Variants in MIS18A observed in about 807,000 individuals in gnomAD.
The protein encoded by MIS18A is MIS18 kinetochore protein A, also known as protein Mis18-alpha.
In MIS18A, 14 loss-of-function variants were observed where a neutral mutation model predicts 25.0. The observed-to-expected ratio is 0.56, with a 90% CI of 0.37 to 0.88. The LOEUF (loss-of-function observed/expected upper bound fraction) is 0.88. Among genes scored for constraint, MIS18A ranks in the 40% least tolerant of loss-of-function variants. The pLI, the probability that MIS18A is intolerant of heterozygous loss-of-function variation, is 0.00. For missense variants in MIS18A, 292 were observed against 290.8 expected, an observed-to-expected ratio of 1.00 and a Z score of -0.03; for synonymous variants, 134 against 118.6, an observed-to-expected ratio of 1.13 and a Z score of -0.84.
chr21:32,269,590 G>A, intron 4 of MIS18A, 117 bp downstream of exon 4: 1 of 620,164 alleles, frequency 1.6e-6, no homozygotes, highest in Admixed American at 3.3e-5. Context: ...AATGAAATAA[G>A]CACACTCTTC....
chr21:32,160,722 C>G, the MIS18A span, among the ~76,000 whole-genome samples: 3 of 151,964 alleles, frequency 2.0e-5, no homozygotes, highest in Admixed American at 2.0e-4. Flanking sequence ...ACCTCCGCTT[C>G]CCGGGTTCAA....
the MIS18A span, among the ~76,000 whole-genome samples, chr21:32,213,497 T>C: frequency 6.6e-6 from 1 of 152,212 alleles, no homozygotes; most frequent in Non-Finnish European, 1.5e-5. Flanking sequence ...CCTCTGGAAA[T>C]ATCCACAATA....
chr21:32,277,505 T>C (rs532777046), intron 1 of MIS18A, among the ~76,000 whole-genome samples: 5 of 152,312 alleles, frequency 3.3e-5, no homozygotes, highest in South Asian at 2.1e-4. Context: ...CAGGCTGGAG[T>C]GCAGTGGCGC....
At chr21:32,251,601 C>G in the MIS18A span, among the ~76,000 whole-genome samples, 1 of 152,176 alleles carries the variant, frequency 6.6e-6, no homozygotes, top group Non-Finnish European at 1.5e-5. Flanking sequence ...TTGTGCATAT[C>G]TCTTCTTGAA....
At chr21:32,201,415 T>C in the MIS18A span, among the ~76,000 whole-genome samples, 1 of 152,292 alleles carries the variant, frequency 6.6e-6, no homozygotes, top group African/African-American at 2.4e-5. Flanking sequence ...GGAAGGCAAT[T>C]TAATAAACTT....
At chr21:32,211,556 AT>A in the MIS18A span, among the ~76,000 whole-genome samples, 1 of 152,210 alleles carries the variant, frequency 6.6e-6, no homozygotes, top group African/African-American at 2.4e-5. Context: ...TGTTTCCAAG[AT>A]CCCAAAAGAC....
the MIS18A span, among the ~76,000 whole-genome samples, chr21:32,201,292 C>T: frequency 6.6e-6 from 1 of 152,002 alleles, no homozygotes; most frequent in Non-Finnish European, 1.5e-5. Flanking sequence ...GAGCCGACCC[C>T]GAGACAGAGG....
Position 32,270,484 on chromosome 21 carries a change from G to A in MIS18A, c.447C>T (p.Gly149=). 1 of 1,608,286 alleles carries A rather than the reference G, an allele frequency of 6.2e-7. No individual in the cohort carries two copies. Among genetic ancestry groups the A allele is most frequent in the Non-Finnish European group, 8.5e-7 (1 of 1,177,730 alleles). The change falls in exon 3 of 5, where the codon GGC becomes GGT. Residue 149 remains glycine (G), a synonymous_variant. Coordinates refer to ENST00000290130, the MANE Select transcript of MIS18A (RefSeq NM_018944.3). Reference sequence around the variant, plus strand: ...TCTTGGGCGTGCATCTGTACACGTAGCCAAGATTGAGTGAGCACCCCGCGC... The same window carrying A: ...TCTTGGGCGTGCATCTGTACACGTAACCAAGATTGAGTGAGCACCCCGCGC... ...LCCAGCSLNL[G]YVYRCTPKNL...
the MIS18A span, among the ~76,000 whole-genome samples, chr21:32,234,631 T>C: frequency 1.3e-5 from 2 of 152,180 alleles, no homozygotes; most frequent in Non-Finnish European, 2.9e-5. Flanking sequence ...TCCATGGTGA[T>C]GAGTGTGTTC....
Position 32,270,457 on chromosome 21 carries a change from A to G in MIS18A, c.474T>C (p.Asn158=), listed in dbSNP as rs757458768. Residue 158 remains asparagine, a synonymous_variant, in exon 3 of 5, where the codon AAT becomes AAC. Transcript: ENST00000290130. ...AAAACAAGTCTCTCTTGTAATCAAG[A>G]TTCTTGGGCGTGCATCTGTACACGT... ...LGYVYRCTPK[N]LDYKRDLFCL... 2 of 1,613,550 alleles carry G rather than the reference A, an allele frequency of 1.2e-6. No individual in the cohort carries two copies. Among genetic ancestry groups the G allele is most frequent in the African/African-American group, 1.3e-5 (1 of 74,888 alleles).
At chr21:32,220,037 C>T in the MIS18A span, among the ~76,000 whole-genome samples, 2 of 152,226 alleles carry the variant, frequency 1.3e-5, no homozygotes, top group Non-Finnish European at 2.9e-5. Flanking sequence ...GAAGGGGCGG[C>T]TGTGGGTGCA....
At chr21:32,196,104 G>T in the MIS18A span, among the ~76,000 whole-genome samples, 1 of 152,080 alleles carries the variant, frequency 6.6e-6, no homozygotes, top group African/African-American at 2.4e-5. Flanking sequence ...CAGATATTTG[G>T]TAAAACGCTA....
chr21:32,182,978 T>C, the MIS18A span, among the ~76,000 whole-genome samples: 1 of 152,156 alleles, frequency 6.6e-6, no homozygotes, highest in Non-Finnish European at 1.5e-5. Flanking sequence ...AATGGCGAAA[T>C]AGCACTCCAG....
At chr21:32,211,843 T>C in the MIS18A span, among the ~76,000 whole-genome samples, 1 of 152,178 alleles carries the variant, frequency 6.6e-6, no homozygotes, top group Non-Finnish European at 1.5e-5. Context: ...CATAATTTTG[T>C]TCCCATCTGC....
chr21:32,161,558 C>T, the MIS18A span, among the ~76,000 whole-genome samples: 1 of 151,796 alleles, frequency 6.6e-6, no homozygotes, highest in African/African-American at 2.4e-5. Context: ...GTGGCGTGAT[C>T]TCAGCTCACT....
chr21:32,239,219 C>T, the MIS18A span, among the ~76,000 whole-genome samples: 1 of 152,196 alleles, frequency 6.6e-6, no homozygotes, highest in Non-Finnish European at 1.5e-5. Flanking sequence ...CACTTCTCTA[C>T]ACTTGCTTTC....
At chr21:32,271,944 A>C (rs2123465872) in intron 2 of MIS18A, among the ~76,000 whole-genome samples, 1 of 152,322 alleles carries the variant, frequency 6.6e-6, no homozygotes, top group Admixed American at 6.5e-5. Flanking sequence ...CAGAGGCTTG[A>C]ACTCCCCAAA....
chr21:32,193,385 C>T, the MIS18A span, among the ~76,000 whole-genome samples: 2 of 152,260 alleles, frequency 1.3e-5, no homozygotes, highest in Admixed American at 6.5e-5. Flanking sequence ...AACAGAAACT[C>T]GCACGTTTCA....
chr21:32,248,414 T>C, the MIS18A span, among the ~76,000 whole-genome samples: 1 of 152,230 alleles, frequency 6.6e-6, no homozygotes, highest in South Asian at 2.1e-4. Flanking sequence ...GATGCTACAC[T>C]TCTTCCTTAT....
Sources: allele counts gnomAD v4.1 joint callset (sites outside exome capture counted in the v4.1 genomes callset), GRCh38; gene constraint gnomAD v4.1.1; transcripts MANE v1.5; gene names NCBI Gene and HGNC (gene_info 2026-07-23, HGNC 2026-07-21).